Variants in NRG1 observed in about 807,000 individuals in gnomAD.
NRG1 encodes neuregulin 1, also known as pro-neuregulin-1, membrane-bound isoform.
Under a neutral mutation model 63.8 loss-of-function variants are expected in NRG1, and 18 were observed. That is an observed-to-expected ratio of 0.28 (90% CI 0.19 to 0.42). The LOEUF is 0.42. NRG1 is among the 10% of genes least tolerant of loss of function. The pLI is 1.00. For synonymous variants in NRG1, 302 were observed against 301.3 expected (o/e 1.00, Z -0.02); for missense variants, 762 against 814.7 (o/e 0.94, Z 0.79).
chr8:32,486,487 AT>A (rs1825919827), intron 1 of NRG1, among the ~76,000 whole-genome samples: 2 of 152,144 alleles, frequency 1.3e-5, no homozygotes, highest in Non-Finnish European at 2.9e-5. Context: ...CAAAGTTGAC[AT>A]TGTGCTAGAA....
chr8:32,128,817 T>C (rs188292602), intron 1 of NRG1, among the ~76,000 whole-genome samples: 62 of 152,110 alleles, frequency 4.1e-4, no homozygotes, highest in South Asian at 2.1e-3. Flanking sequence ...TCTGTGCCTT[T>C]CATCTCTGAC....
intron 1 of NRG1, among the ~76,000 whole-genome samples, chr8:32,211,753 T>G (rs1454479101): frequency 2.0e-5 from 3 of 152,196 alleles, no homozygotes; most frequent in African/African-American, 7.2e-5. Context: ...TGATTATAGT[T>G]TCTTCCATCA....
At chr8:32,238,060 A>C (rs895051214) in intron 1 of NRG1, among the ~76,000 whole-genome samples, 2 of 152,210 alleles carry the variant, frequency 1.3e-5, no homozygotes, top group Non-Finnish European at 2.9e-5. Flanking sequence ...GTTTGAAAAA[A>C]TAAAGCTTTC....
rs186645857 is a variant in NRG1 at position 32,402,056 on chromosome 8, C to T, written c.38-193772C>T. 6.3e-3 allele frequency among the ~76,000 whole-genome samples: 960 copies of T among 152,144 alleles called. 7 individuals are homozygous for T. Among genetic ancestry groups the T allele is most frequent in the African/African-American group, 9.1e-3 (378 of 41,528 alleles). ...TCACCCGAGTACCTGGGACAACAGG[C>T]GCCTACCACAACGCCAGGCTAATTT... On this transcript the variant is annotated intron_variant, in intron 1 of 10. Coordinates refer to the NRG1 transcript ENST00000519301.
intron 1 of NRG1, among the ~76,000 whole-genome samples, chr8:31,752,394 G>A (rs926119883): frequency 6.6e-6 from 1 of 151,966 alleles, no homozygotes; most frequent in Non-Finnish European, 1.5e-5. Flanking sequence ...GAGGGGATAT[G>A]ACCTGCTTTA....
At chr8:31,707,257 A>G (rs1811243146) in intron 1 of NRG1, among the ~76,000 whole-genome samples, 1 of 152,080 alleles carries the variant, frequency 6.6e-6, no homozygotes, top group Non-Finnish European at 1.5e-5. Context: ...TATTGAATTG[A>G]CTATCTTTTT....
At chr8:31,642,113 TC>T (rs1803850947) in intron 1 of NRG1, among the ~76,000 whole-genome samples, 1 of 152,092 alleles carries the variant, frequency 6.6e-6, no homozygotes, top group Admixed American at 6.6e-5. Context: ...GCATAGGGAT[TC>T]CCCGAGACCC....
intron 1 of NRG1, among the ~76,000 whole-genome samples, chr8:32,520,854 CCT>C (rs964861124): frequency 2.6e-5 from 4 of 152,160 alleles, no homozygotes; most frequent in African/African-American, 9.7e-5. Context: ...GGACATGAAT[CCT>C]CTCTTTGTCC....
At chr8:32,034,502 G>A (rs1334044967) in intron 1 of NRG1, among the ~76,000 whole-genome samples, 1 of 152,046 alleles carries the variant, frequency 6.6e-6, no homozygotes, top group Non-Finnish European at 1.5e-5. Flanking sequence ...TCAATTGTTT[G>A]GAATAGTTTC....
intron 1 of NRG1, among the ~76,000 whole-genome samples, chr8:32,504,263 G>T (rs1483033118): frequency 6.6e-6 from 1 of 152,102 alleles, no homozygotes; most frequent in Non-Finnish European, 1.5e-5. Flanking sequence ...ATCACCTGAT[G>T]GTCGTCTGAC....
chr8:31,757,127 G>A (rs946455066), intron 1 of NRG1, among the ~76,000 whole-genome samples: 2 of 152,098 alleles, frequency 1.3e-5, no homozygotes, highest in African/African-American at 4.8e-5. Flanking sequence ...AGATGTTTAA[G>A]ATTGGGAACA....
intron 1 of NRG1, among the ~76,000 whole-genome samples, chr8:31,679,129 T>C (rs1808053468): frequency 6.6e-6 from 1 of 152,096 alleles, no homozygotes; most frequent in African/African-American, 2.4e-5. Context: ...AAGGCTCTTG[T>C]TCCAGATATC....
At position 32,645,546 on chromosome 8, in the gene NRG1, G is replaced by A. The variant is rs186495304; in HGVS notation, c.502+28661G>A. Among the ~76,000 whole-genome samples, 79 of 152,264 alleles carry A rather than the reference G, an allele frequency of 5.2e-4. 1 individual carries two copies. The highest frequency in any genetic ancestry group is 8.1e-4 in the Non-Finnish European group (55 of 68,024). On this transcript the variant is annotated intron_variant, in intron 5 of 11. Transcript: ENST00000356819. ...AGTGATAATATTCTTATCTCCTGCCGTTTAAAGCTGAAACATACCTCAAAG... is the reference window on the plus strand; with the variant it reads ...AGTGATAATATTCTTATCTCCTGCCATTTAAAGCTGAAACATACCTCAAAG...
At chr8:32,498,604 T>A (rs554630502) in intron 1 of NRG1, among the ~76,000 whole-genome samples, 6 of 152,304 alleles carry the variant, frequency 3.9e-5, no homozygotes, top group Admixed American at 3.9e-4. Flanking sequence ...TTCAATTACC[T>A]CCGACCAGGT....
At chr8:32,370,955 C>T (rs956180262) in intron 1 of NRG1, among the ~76,000 whole-genome samples, 5 of 149,930 alleles carry the variant, frequency 3.3e-5, no homozygotes, top group Non-Finnish European at 5.9e-5. Flanking sequence ...CTCATGCCTG[C>T]AATCCTAGCA....
chr8:31,920,876 A>ATAGG (rs1262907358), intron 1 of NRG1, among the ~76,000 whole-genome samples: 105 of 133,616 alleles, frequency 7.9e-4, no homozygotes, highest in African/African-American at 2.7e-3. Flanking sequence ...AGATAGATAG[A>ATAGG]TAGATAGGTA....
chr8:32,542,032 G>T (rs1386764595), intron 1 of NRG1, among the ~76,000 whole-genome samples: 1 of 152,084 alleles, frequency 6.6e-6, no homozygotes, highest in Non-Finnish European at 1.5e-5. Flanking sequence ...TGCAGTGTTT[G>T]CAGGTTTTCA....
intron 1 of NRG1, among the ~76,000 whole-genome samples, chr8:32,360,338 A>C (rs553486723): frequency 1.3e-5 from 2 of 152,350 alleles, no homozygotes; most frequent in South Asian, 4.1e-4. Flanking sequence ...AAGTTTATTT[A>C]AGTATTAATA....
chr8:32,748,372 G>C (rs1369154110), intron 7 of NRG1, among the ~76,000 whole-genome samples: 543 of 151,180 alleles, frequency 3.6e-3, no homozygotes, highest in Middle Eastern at 6.9e-3. Context: ...GAGAGAGAGA[G>C]AGAGAGAGAG....
Sources: gnomAD v4.1 joint callset for allele counts (sites outside exome capture counted in the v4.1 genomes callset) on GRCh38, gnomAD v4.1.1 for gene constraint, MANE v1.5 for transcripts, NCBI Gene and HGNC (gene_info 2026-07-23, HGNC 2026-07-21) for gene names.